Variants in AAGAB observed in about 807,000 individuals in gnomAD.
AAGAB encodes the protein alpha- and gamma-adaptin-binding protein p34.
In AAGAB, 38 loss-of-function variants were observed where a neutral mutation model predicts 44.1. The observed-to-expected ratio is 0.86, with a 90% confidence interval of 0.67 to 1.13. The LOEUF (loss-of-function observed/expected upper bound fraction) is 1.13, where lower values mean the gene tolerates loss of function less well. AAGAB is among the 50% of genes most tolerant of loss of function. The pLI is 0.00. For synonymous variants in AAGAB, 131 were observed against 131.8 expected, an observed-to-expected ratio of 0.99 and a Z score of 0.04; for missense variants, 450 against 373.8, an observed-to-expected ratio of 1.20 and a Z score of -1.68.
intron 1 of AAGAB, 83 bp downstream of exon 1, chr15:67,254,476 G>A (rs1465751114): frequency 5.3e-6 from 8 of 1,506,752 alleles, no homozygotes; most frequent in South Asian, 1.3e-5. Context: ...CGGGGACAAG[G>A]CCCAGAGAGG....
intron 5 of AAGAB, among the ~76,000 whole-genome samples, chr15:67,230,040 G>T (rs1415426972): frequency 2.6e-5 from 4 of 151,404 alleles, no homozygotes; most frequent in Non-Finnish European, 5.9e-5. Context: ...TTTTAGCAGA[G>T]ACGGGGTAGC....
intron 5 of AAGAB, among the ~76,000 whole-genome samples, chr15:67,228,693 T>C (rs1964262427): frequency 1.3e-5 from 2 of 152,144 alleles, no homozygotes; most frequent in Non-Finnish European, 2.9e-5. Flanking sequence ...ATCACAGCAC[T>C]ATTCACAATA....
intron 1 of AAGAB, among the ~76,000 whole-genome samples, chr15:67,241,774 T>G (rs551777712): frequency 6.6e-6 from 1 of 152,244 alleles, no homozygotes; most frequent in Admixed American, 6.5e-5. Flanking sequence ...CCCATCTCAC[T>G]TTTTTTCACA....
chr15:67,242,538 G>A (rs1182057345), intron 1 of AAGAB, among the ~76,000 whole-genome samples: 1 of 151,898 alleles, frequency 6.6e-6, no homozygotes, highest in East Asian at 1.9e-4. Context: ...GTCATACAAG[G>A]TGGGTGCTGC....
At chr15:67,248,761 C>T (rs1290214922) in intron 1 of AAGAB, among the ~76,000 whole-genome samples, 1 of 152,194 alleles carries the variant, frequency 6.6e-6, no homozygotes, top group Non-Finnish European at 1.5e-5. Flanking sequence ...GTGTAACTCT[C>T]CAAGGCCTAG....
chr15:67,237,676 C>T (rs564952101), intron 1 of AAGAB, among the ~76,000 whole-genome samples: 4 of 152,202 alleles, frequency 2.6e-5, no homozygotes, highest in South Asian at 2.1e-4. Context: ...CCTAAACTCC[C>T]GTCTCTCACA....
Position 67,208,577 on chromosome 15 carries a change from C to G in AAGAB, c.700G>C (p.Val234Leu). Residue 234 changes from valine to leucine, a missense_variant, in exon 7 of 10, where the codon GTT (valine) becomes CTT (leucine). Val to Leu is a conservative substitution (Grantham distance 32, BLOSUM62 1). Coordinates refer to ENST00000261880, the MANE Select transcript of AAGAB (RefSeq NM_024666.5). ...AGGAACTTACCCACAATGCTATCAA[C>G]CTGGGCATCTGTTGTGTTAGATGCA... ...GGASNTTDAQ[V>L]DSIVDPMLDL... 2 of 1,614,070 alleles carry G rather than the reference C, an allele frequency of 1.2e-6. No homozygotes were observed. The highest frequency in any genetic ancestry group is 1.7e-6 in the Non-Finnish European group (2 of 1,179,956).
chr15:67,231,781 G>A, intron 5 of AAGAB, 33 bp downstream of exon 5: 1 of 1,517,874 alleles, frequency 6.6e-7, no homozygotes, highest in Non-Finnish European at 9.1e-7. Context: ...AGGAACAAGA[G>A]GAAAAAAATG....
At chr15:67,227,362 T>TA (rs1217466214) in intron 5 of AAGAB, among the ~76,000 whole-genome samples, 4 of 152,206 alleles carry the variant, frequency 2.6e-5, no homozygotes, top group African/African-American at 9.6e-5. Context: ...ACTTTTTAAT[T>TA]AAAAAAACTT....
At chr15:67,242,374 G>C (rs1450025369) in intron 1 of AAGAB, among the ~76,000 whole-genome samples, 8 of 91,012 alleles carry the variant, frequency 8.8e-5, no homozygotes, top group African/African-American at 2.6e-4. Context: ...AGTGAGCCGA[G>C]ATTGCGCCAC....
Position 67,238,691 on chromosome 15 carries a change from A to C in AAGAB, c.74-1871T>G, listed in dbSNP as rs560880930. On this transcript the variant is annotated intron_variant, in intron 1 of 9. Coordinates refer to ENST00000261880, the MANE Select transcript of AAGAB (RefSeq NM_024666.5). Reference sequence around the variant, plus strand: ...GTGAAAGGAGCCACCACATAAAATCAGTCTTAATTTTTTTTTTTTTTTGAG... The same window carrying C: ...GTGAAAGGAGCCACCACATAAAATCCGTCTTAATTTTTTTTTTTTTTTGAG... Among the ~76,000 whole-genome samples the C allele has an allele frequency of 1.1e-4, 16 of 146,216 alleles. No homozygotes were observed. In the East Asian group the frequency reaches 3.1e-3, roughly 29 times the overall value.
Position 67,209,536 on chromosome 15 carries a change from G to A in AAGAB, c.544C>T (p.Gln182Ter). ...AATGAGTTGAGAAGGCTAAAGCCTTGGTTCCTATCTGAAAAGGAAAAATAC... is the reference window on the plus strand; with the variant it reads ...AATGAGTTGAGAAGGCTAAAGCCTTAGTTCCTATCTGAAAAGGAAAAATAC... Reference protein sequence around the residue: ...SNVVMKNDRNQGFSLLNSLTG... With the variant: ...SNVVMKNDRN Residue 182 changes from glutamine to a stop codon, truncating the protein, a stop_gained, in exon 6 of 10, where the codon CAA (glutamine) becomes TAA (stop). Transcript: ENST00000261880. LOFTEE classifies it high-confidence loss of function. 1.2e-6 allele frequency: 2 copies of A among 1,613,490 alleles called. No homozygotes were observed. Among genetic ancestry groups the A allele is most frequent in the Non-Finnish European group, 1.7e-6 (2 of 1,179,538 alleles).
rs2140373111 is a variant in AAGAB at position 67,231,842 on chromosome 15, A to ATT, written c.505_506dup (p.Asn169LysfsTer7). On this transcript the variant is annotated frameshift_variant, in exon 5 of 10. Transcript: ENST00000261880. LOFTEE classifies it high-confidence loss of function. ...TCTTCATCACTACATTGGACCACAC[A>ATT]TTGGCATTCAGGGCTTGGACAATTC... 5.6e-6 allele frequency: 9 copies of ATT among 1,612,592 alleles called. No individual in the cohort carries two copies. Among genetic ancestry groups the ATT allele is most frequent in the Non-Finnish European group, 6.8e-6 (8 of 1,178,830 alleles).
intron 4 of AAGAB, among the ~76,000 whole-genome samples, chr15:67,234,008 C>T (rs548530184): frequency 2.7e-5 from 4 of 150,864 alleles, no homozygotes; most frequent in Admixed American, 6.6e-5. Context: ...TTTGGGAGGC[C>T]GAGGCAGGTG....
In AAGAB at chr15:67,236,279, C is replaced by T. The variant is rs565607839; in HGVS notation, c.361+129G>A. 1.4e-4 allele frequency: 144 copies of T among 996,308 alleles called. 1 individual carries two copies. The East Asian group carries it at 3.2e-3, about 22-fold the overall frequency. 61.7% of individuals were successfully genotyped at this position (996,308 alleles called of 1,614,324 possible). A position where few individuals can be genotyped will look rare whatever the true frequency, so the allele number is the denominator to read the frequency against. ...ATTACAAGATTCCAAAGAAAAATAG[C>T]TGAAAATATTTTCATAAAGCCATAA... On this transcript the variant is annotated intron_variant, in intron 3 of 9. Coordinates refer to ENST00000261880, the MANE Select transcript of AAGAB (RefSeq NM_024666.5).
At chr15:67,225,582 C>T (rs896870778) in intron 5 of AAGAB, among the ~76,000 whole-genome samples, 4 of 152,210 alleles carry the variant, frequency 2.6e-5, no homozygotes, top group African/African-American at 9.6e-5. Flanking sequence ...CTGGGAACCA[C>T]TAATCTACTT....
At chr15:67,253,299 A>G (rs1442013875) in intron 1 of AAGAB, among the ~76,000 whole-genome samples, 1 of 143,842 alleles carries the variant, frequency 7.0e-6, no homozygotes, top group Non-Finnish European at 1.5e-5. Flanking sequence ...GTGGTGGCAC[A>G]CACCTGTAGT....
chr15:67,231,791 G>A, intron 5 of AAGAB, 23 bp downstream of exon 5: 1 of 1,566,998 alleles, frequency 6.4e-7, no homozygotes, highest in Non-Finnish European at 8.8e-7. Flanking sequence ...GGAAAAAAAT[G>A]ACTTGAGTCC....
At chr15:67,248,766 G>A (rs1221174296) in intron 1 of AAGAB, among the ~76,000 whole-genome samples, 1 of 152,174 alleles carries the variant, frequency 6.6e-6, no homozygotes, top group African/African-American at 2.4e-5. Context: ...ACTCTCCAAG[G>A]CCTAGTTTAC....
Sources: gnomAD v4.1 joint callset for allele counts (sites outside exome capture counted in the v4.1 genomes callset) on GRCh38, gnomAD v4.1.1 for gene constraint, MANE v1.5 for transcripts, NCBI Gene and HGNC (gene_info 2026-07-23, HGNC 2026-07-21) for gene names.